Variants in ANAPC15 observed in about 807,000 individuals in gnomAD.
ANAPC15 encodes anaphase-promoting complex subunit 15.
Under a neutral mutation model 19.8 loss-of-function variants are expected in ANAPC15, and 13 were observed. The observed-to-expected ratio is 0.66, with a 90% CI of 0.43 to 1.04. The LOEUF (loss-of-function observed/expected upper bound fraction) is 1.04, where lower values mean the gene tolerates loss of function less well. Ranked by LOEUF, ANAPC15 falls within the 50% of genes least tolerant of loss-of-function variation. ANAPC15 has a pLI of 0.00. For missense variants in ANAPC15, 88 were observed against 150.3 expected (o/e 0.59, Z 2.17); for synonymous variants, 45 against 50.7 (o/e 0.89, Z 0.47).
rs1946422373 is a variant in ANAPC15 at position 72,110,361 on chromosome 11, GTGCATGTTC to G, written c.181-145_181-137del. 4 of 1,554,936 alleles carry G rather than the reference GTGCATGTTC, an allele frequency of 2.6e-6. No homozygotes were observed. The East Asian group carries it at 9.0e-5, about 35-fold the overall frequency. On this transcript the variant is annotated intron_variant, in intron 4 of 5. Transcript: ENST00000227618. ...CTCCCTCCTTGAGTCTAGCAGGCTG[GTGCATGTTC>G]TGCAGGACCTTAATGCTAGGCCCAA...
chr11:72,107,713 C>T (rs1945825566), downstream of ANAPC15: 12 of 621,584 alleles, frequency 1.9e-5, no homozygotes, highest in Admixed American at 3.1e-4. Flanking sequence ...GTAATAAGGT[C>T]AGATTTGTTG....
At chr11:72,107,741 G>A, downstream of ANAPC15, 1 of 640,974 alleles carries the variant, frequency 1.6e-6, no homozygotes, top group South Asian at 1.9e-5. Context: ...TCCAGGGCTG[G>A]TGTGAAGACT....
downstream of ANAPC15, among the ~76,000 whole-genome samples, chr11:72,108,296 G>T (rs1352983039): frequency 6.6e-6 from 1 of 152,160 alleles, no homozygotes; most frequent in Non-Finnish European, 1.5e-5. Flanking sequence ...ATTATTTTCT[G>T]CCGGATGACG....
At chr11:72,108,846 G>A (rs776760828), downstream of ANAPC15, 30 of 1,550,370 alleles carry the variant, frequency 1.9e-5, no homozygotes, top group South Asian at 1.8e-4. Context: ...TACCGCTGCC[G>A]CCTCCACCAC....
chr11:72,109,031 T>C (rs1258760351), downstream of ANAPC15: 1 of 1,008,534 alleles, frequency 9.9e-7, no homozygotes, highest in Non-Finnish European at 1.4e-6. Flanking sequence ...CACGCTGGGC[T>C]CAGGGCTAGG....
intron 3 of ANAPC15, chr11:72,110,874 C>T (rs886988911): frequency 7.0e-6 from 4 of 575,386 alleles, no homozygotes; most frequent in Non-Finnish European, 1.2e-5. Context: ...CTGCTAGATC[C>T]TCAATTAATA....
chr11:72,108,182 T>C (rs1945907262), downstream of ANAPC15: 1 of 1,390,292 alleles, frequency 7.2e-7, no homozygotes, highest in Non-Finnish European at 9.5e-7. Context: ...CAGACATCCC[T>C]TGTGAAGGAC....
At chr11:72,108,663 A>G, downstream of ANAPC15, 1 of 1,527,038 alleles carries the variant, frequency 6.5e-7, no homozygotes. Flanking sequence ...ACCCAGTATC[A>G]GCTGAGTCGG....
downstream of ANAPC15, chr11:72,108,172 C>A: frequency 7.0e-7 from 1 of 1,424,920 alleles, no homozygotes; most frequent in Middle Eastern, 2.2e-4. Context: ...GCCTTGCCCC[C>A]AGACATCCCT....
downstream of ANAPC15, chr11:72,108,959 C>T (rs1946036722): frequency 4.3e-6 from 6 of 1,383,642 alleles, no homozygotes; most frequent in East Asian, 2.9e-5. Flanking sequence ...TGATGCCCAC[C>T]CCCACCCCCA....
rs1215947933 is a variant in ANAPC15, at chr11:72,111,169, C to A, written c.108G>T (p.Gln36His). 4.4e-6 allele frequency: 7 copies of A among 1,601,582 alleles called. No homozygotes were observed. Among genetic ancestry groups the A allele is most frequent in the South Asian group, 1.1e-5 (1 of 90,800 alleles). Reference protein sequence around the residue: ...EETELQQQEQQHQAWLQSIAE... With the variant: ...EETELQQQEQHHQAWLQSIAE... The stretch of plus-strand genomic sequence containing the variant: ...GCTGCTCACTCACCCAGGCCTGATG[C>A]TGCTGTTCCTGCTGCTGCAGCTCTG... Residue 36 changes from glutamine to histidine, a missense_variant, in exon 3 of 6, where the codon CAG becomes CAT. By Grantham distance (24) the Gln-to-His change is conservative. Coordinates refer to ENST00000227618, the MANE Select transcript of ANAPC15 (RefSeq NM_014042.3).
At chr11:72,110,824 G>A in intron 3 of ANAPC15, 1 of 590,992 alleles carries the variant, frequency 1.7e-6, no homozygotes, top group Admixed American at 3.2e-5. Flanking sequence ...TAATTATGGT[G>A]AGGATGAAGT....
chr11:72,111,126 G>A (rs1396227140), intron 3 of ANAPC15, 31 bp downstream of exon 3: 15 of 1,434,050 alleles, frequency 1.0e-5, no homozygotes, highest in Non-Finnish European at 1.5e-5. Context: ...TCTGTGCTGA[G>A]GTCTCTGTGC....
downstream of ANAPC15, chr11:72,109,377 C>T (rs749999049): frequency 4.5e-5 from 21 of 461,880 alleles, no homozygotes; most frequent in South Asian, 7.7e-5. Flanking sequence ...ATGAGTTAGA[C>T]GCCCTGCAGG....
At chr11:72,109,557 C>A (rs1263207880), downstream of ANAPC15, 4 of 455,346 alleles carry the variant, frequency 8.8e-6, no homozygotes, top group African/African-American at 2.0e-5. Flanking sequence ...CTCCTCTGGG[C>A]CCCACCAACA....
At chr11:72,108,860 G>T, downstream of ANAPC15, 1 of 1,550,472 alleles carries the variant, frequency 6.4e-7, no homozygotes, top group South Asian at 1.2e-5. Context: ...CCACCACACT[G>T]GCCTTCCAGA....
rs932792064 is a variant in ANAPC15, at chr11:72,110,413, T to G, written c.180+131A>C. The stretch of plus-strand genomic sequence containing the variant: ...AGGCCCAATGCCCACCCCTTCTATC[T>G]CCCCTTTTAGGCTTTTACCCAGATC... On this transcript the variant is annotated intron_variant, in intron 4 of 5. Transcript: ENST00000227618. The G allele has an allele frequency of 3.4e-5, 52 of 1,512,402 alleles. No homozygotes were observed. The Middle Eastern group carries it at 2.3e-3, about 66-fold the overall frequency. 93.7% of individuals were successfully genotyped at this position (1,512,402 alleles called of 1,614,324 possible).
In ANAPC15 at chr11:72,110,106, A is replaced by T; in HGVS notation, c.300T>A (p.Asp100Glu). 1.2e-6 allele frequency: 2 copies of T among 1,614,092 alleles called. No individual in the cohort carries two copies. The highest frequency in any genetic ancestry group is 1.7e-6 in the Non-Finnish European group (2 of 1,180,014). Residue 100 changes from aspartate (D) to glutamate (E), a missense_variant, in exon 5 of 6, where the codon GAT becomes GAA. Coordinates refer to ENST00000227618, the MANE Select transcript of ANAPC15 (RefSeq NM_014042.3). ...TGCCTACCTCATTGACCTCTCCATC[A>T]TCCGGTGACTCATTGTAGTCATTCA... Reference protein sequence around the residue: ...DEMNDYNESPDDGEVNEVDME... With the variant: ...DEMNDYNESPEDGEVNEVDME...
At chr11:72,109,964 T>C in intron 5 of ANAPC15, 36 bp from the exon 6 acceptor site, 1 of 1,613,890 alleles carries the variant, frequency 6.2e-7, no homozygotes, top group Non-Finnish European at 8.5e-7. Context: ...GGGAGGGGCC[T>C]CAGCCAGCCT....
Sources: gnomAD v4.1 joint callset for allele counts (sites outside exome capture counted in the v4.1 genomes callset) on GRCh38, gnomAD v4.1.1 for gene constraint, MANE v1.5 for transcripts, NCBI Gene and HGNC (gene_info 2026-07-23, HGNC 2026-07-21) for gene names.